Variants in CSPP1 observed in about 807,000 individuals in gnomAD.
The protein encoded by CSPP1 is centrosome and spindle pole-associated protein 1.
Under a neutral mutation model 164.4 loss-of-function variants are expected in CSPP1, and 126 were observed. The observed-to-expected ratio is 0.77, with a 90% confidence interval of 0.66 to 0.89. The LOEUF is 0.89. CSPP1 is among the 40% of genes least tolerant of loss of function. The pLI is 0.00. For missense variants in CSPP1, 1,395 were observed against 1,449.8 expected, an observed-to-expected ratio of 0.96 and a Z score of 0.61; for synonymous variants, 472 against 476.7, an observed-to-expected ratio of 0.99 and a Z score of 0.13.
chr8:67,123,702 C>T (rs1032931946), intron 15 of CSPP1, among the ~76,000 whole-genome samples: 1 of 150,478 alleles, frequency 6.6e-6, no homozygotes, highest in African/African-American at 2.4e-5. Flanking sequence ...GCCTCAAACT[C>T]CTGGGCTCAA....
At chr8:67,073,710 GGCTAT>G (rs1187019259) in intron 1 of CSPP1, among the ~76,000 whole-genome samples, 1 of 152,064 alleles carries the variant, frequency 6.6e-6, no homozygotes, top group Non-Finnish European at 1.5e-5. Flanking sequence ...AGGGGCAAAG[GGCTAT>G]GATATATATA....
At chr8:67,126,098 C>T (rs916180857) in intron 15 of CSPP1, among the ~76,000 whole-genome samples, 2 of 152,206 alleles carry the variant, frequency 1.3e-5, no homozygotes, top group Admixed American at 6.5e-5. Flanking sequence ...TCTCAAAGTG[C>T]TGGGATTACA....
rs564473189 is a variant in CSPP1 at position 67,126,078 on chromosome 8, C to T, written c.1698-5873C>T. On this transcript the variant is annotated intron_variant, in intron 15 of 30. Transcript: ENST00000678616. ...AACTCCTGACCTCAGGTGATCTGCCCGCCTCGGCCTCTCAAAGTGCTGGGA... is the reference window on the plus strand; with the variant it reads ...AACTCCTGACCTCAGGTGATCTGCCTGCCTCGGCCTCTCAAAGTGCTGGGA... 4.6e-5 allele frequency among the ~76,000 whole-genome samples: 7 copies of T among 152,280 alleles called. No homozygotes were observed. The South Asian group carries it at 1.0e-3, about 23-fold the overall frequency.
intron 17 of CSPP1, among the ~76,000 whole-genome samples, chr8:67,143,998 A>G (rs1157632016): frequency 3.3e-5 from 5 of 152,218 alleles, no homozygotes; most frequent in Admixed American, 3.3e-4. Flanking sequence ...TCATGAGCGC[A>G]GACATCCTTG....
chr8:67,153,533 T>C (rs543014128), intron 18 of CSPP1, among the ~76,000 whole-genome samples: 57 of 152,228 alleles, frequency 3.7e-4, no homozygotes, highest in African/African-American at 1.2e-3. Context: ...TTTTCAAAGC[T>C]GACTTTCTAT....
chr8:67,160,002 T>C (rs1490659736), intron 21 of CSPP1, among the ~76,000 whole-genome samples: 1 of 96,324 alleles, frequency 1.0e-5, no homozygotes, highest in Non-Finnish European at 1.8e-5. Flanking sequence ...TTTTCTTTTC[T>C]TTTCTTTTCT....
chr8:67,153,879 T>TA (rs1453097377), intron 18 of CSPP1, 145 bp from the exon 19 acceptor site: 1 of 529,376 alleles, frequency 1.9e-6, no homozygotes, highest in African/African-American at 2.0e-5. Flanking sequence ...CTTCAGATTC[T>TA]AATCTCAACC....
At chr8:67,130,895 G>A (rs941355041) in intron 15 of CSPP1, among the ~76,000 whole-genome samples, 1 of 152,132 alleles carries the variant, frequency 6.6e-6, no homozygotes, top group African/African-American at 2.4e-5. Context: ...GGCTGAGGCA[G>A]GAGAATCGCT....
chr8:67,150,560 C>G (rs1049526931), intron 18 of CSPP1, among the ~76,000 whole-genome samples: 1 of 152,104 alleles, frequency 6.6e-6, no homozygotes, highest in Non-Finnish European at 1.5e-5. Flanking sequence ...CCCACCACCA[C>G]ACCTGGCTAA....
chr8:67,139,970 G>A (rs1364470875), intron 17 of CSPP1, among the ~76,000 whole-genome samples: 1 of 152,060 alleles, frequency 6.6e-6, no homozygotes, highest in Non-Finnish European at 1.5e-5. Context: ...TTGTGCACAC[G>A]TACCCTAAAA....
In CSPP1 at chr8:67,159,052, G is replaced by A; in HGVS notation, c.2453G>A (p.Arg818Lys). Reference protein sequence around the residue: ...LAEERQKEAERKKKEEEEKYN... With the variant: ...LAEERQKEAEKKKKEEEEKYN... ...GAAGAAAGACAAAAAGAAGCAGAAA[G>A]AAAGAAGAAAGAAGAAGAAGAAAAA... is the stretch of plus-strand genomic sequence containing the variant. The change falls in exon 21 of 31, where the codon AGA becomes AAA. Residue 818 changes from arginine (R) to lysine (K), a missense_variant. Coordinates refer to ENST00000678616, the MANE Select transcript of CSPP1 (RefSeq NM_001382391.1). The A allele has an allele frequency of 6.2e-7, 1 of 1,612,148 alleles. No homozygotes were observed. The highest frequency in any genetic ancestry group is 1.1e-5 in the South Asian group (1 of 90,768).
chr8:67,160,006 C>CTTTTCTTTTCTTTTTCT (rs1827924024), intron 21 of CSPP1, among the ~76,000 whole-genome samples: 1 of 67,562 alleles, frequency 1.5e-5, no homozygotes, highest in Non-Finnish European at 2.6e-5. Flanking sequence ...CTTTTCTTTT[C>CTTTTCTTTTCTTTTTCT]TTTTCTTTTC....
intron 17 of CSPP1, among the ~76,000 whole-genome samples, chr8:67,144,525 G>A (rs768075047): frequency 4.6e-5 from 7 of 152,010 alleles, no homozygotes; most frequent in Non-Finnish European, 8.8e-5. Flanking sequence ...CTGTAGCCTC[G>A]ACCTCCTAGG....
chr8:67,172,793 T>G, intron 25 of CSPP1: 1 of 392,626 alleles, frequency 2.5e-6, no homozygotes, highest in Non-Finnish European at 4.6e-6. Flanking sequence ...AAGTCTGGAA[T>G]GGATGAGATC....
chr8:67,110,154 AG>A (rs140759593), intron 9 of CSPP1, among the ~76,000 whole-genome samples: 3,654 of 150,260 alleles, frequency 0.024, 88 homozygotes, highest in African/African-American at 0.065. Context: ...TTATCTGTCC[AG>A]GTGCAGTCTG....
At chr8:67,175,114 T>C (rs1422232504) in intron 25 of CSPP1, 182 bp from the exon 26 acceptor site, 4 of 586,550 alleles carry the variant, frequency 6.8e-6, no homozygotes, top group Non-Finnish European at 1.2e-5. Context: ...TAAAGAATAT[T>C]AATTTCATAT....
Position 67,159,113 on chromosome 8 carries a change from C to T in CSPP1, c.2514C>T (p.Asp838=), listed in dbSNP as rs534416502. Residue 838 remains aspartate, a synonymous_variant, in exon 21 of 31, where the codon GAC becomes GAT. Transcript: ENST00000678616. Reference sequence around the variant, plus strand: ...AACTTCAGCACTACTGTGAAAGAGACAATTTGATTGGGGAAGAAACAAAGG... The same window carrying T: ...AACTTCAGCACTACTGTGAAAGAGATAATTTGATTGGGGAAGAAACAAAGG... ...NLQLQHYCER[D]NLIGEETKHM... 1.3e-6 allele frequency: 2 copies of T among 1,599,508 alleles called. No individual in the cohort carries two copies. Among genetic ancestry groups the T allele is most frequent in the Admixed American group, 3.6e-5 (2 of 56,154 alleles).
intron 7 of CSPP1, among the ~76,000 whole-genome samples, chr8:67,100,826 G>T (rs1427542545): frequency 6.7e-6 from 1 of 150,200 alleles, no homozygotes; most frequent in Non-Finnish European, 1.5e-5. Context: ...ATTTTTATAT[G>T]TAATTTTTTT....
intron 26 of CSPP1, among the ~76,000 whole-genome samples, chr8:67,176,409 A>G (rs973052915): frequency 1.3e-5 from 2 of 152,202 alleles, no homozygotes; most frequent in African/African-American, 4.8e-5. Context: ...TTAGGCCCAG[A>G]TCATAGGTCA....
Sources: gnomAD v4.1 joint callset for allele counts (sites outside exome capture counted in the v4.1 genomes callset) on GRCh38, gnomAD v4.1.1 for gene constraint, MANE v1.5 for transcripts, NCBI Gene and HGNC (gene_info 2026-07-23, HGNC 2026-07-21) for gene names.